The following TSPAN18 variants were observed in gnomAD, a reference collection of about 807,000 sequenced individuals.
TSPAN18 encodes tetraspanin 18.
TSPAN18 carries 14 observed loss-of-function variants against 27.3 expected under a neutral mutation model. The ratio of observed to expected loss-of-function variants is 0.51; its 90% confidence interval spans 0.34 to 0.80. The LOEUF is 0.80. Among genes scored for constraint, TSPAN18 ranks in the 30% least tolerant of loss-of-function variants. TSPAN18 has a pLI of 0.01. For synonymous variants in TSPAN18, 143 were observed against 136.5 expected (o/e 1.05, Z -0.33); for missense variants, 268 against 323.9 (o/e 0.83, Z 1.32).
chr11:44,913,545 G>A (rs1859799902), intron 5 of TSPAN18, among the ~76,000 whole-genome samples: 1 of 152,052 alleles, frequency 6.6e-6, no homozygotes, highest in South Asian at 2.1e-4. Flanking sequence ...TTATAATGAA[G>A]GCAAGCTCAA....
chr11:44,900,280 C>G (rs1859211920), intron 3 of TSPAN18, among the ~76,000 whole-genome samples: 1 of 152,164 alleles, frequency 6.6e-6, no homozygotes, highest in Admixed American at 6.5e-5. Flanking sequence ...GGGAGGCTGT[C>G]CCTGCTGGAG....
At chr11:44,759,856 C>T (rs1028802743) in intron 1 of TSPAN18, among the ~76,000 whole-genome samples, 2 of 152,196 alleles carry the variant, frequency 1.3e-5, no homozygotes, top group Non-Finnish European at 2.9e-5. Flanking sequence ...ATTACCTATA[C>T]ACACAATTTG....
At chr11:44,785,366 C>T (rs1449119871) in intron 2 of TSPAN18, among the ~76,000 whole-genome samples, 2 of 152,024 alleles carry the variant, frequency 1.3e-5, no homozygotes, top group African/African-American at 2.4e-5. Context: ...TTTATATATT[C>T]GTTCGGCAAA....
chr11:44,790,416 TGTGTGTGCATGTGTGTGTACATGTGTTC>T (rs1856179826), intron 2 of TSPAN18, among the ~76,000 whole-genome samples: 1 of 107,624 alleles, frequency 9.3e-6, no homozygotes, highest in Non-Finnish European at 2.2e-5. Flanking sequence ...CGTGTGTGCA[TGTGTGTGCATGTGTGTGTACATGTGTTC>T]GTGTGTGCAT....
intron 2 of TSPAN18, among the ~76,000 whole-genome samples, chr11:44,815,573 A>G (rs1485053575): frequency 2.0e-5 from 3 of 152,180 alleles, no homozygotes; most frequent in African/African-American, 4.8e-5. Context: ...TTGCTCAACA[A>G]TTATGTATTG....
intron 1 of TSPAN18, among the ~76,000 whole-genome samples, chr11:44,758,054 A>G (rs1269266379): frequency 2.0e-5 from 3 of 152,186 alleles, no homozygotes; most frequent in East Asian, 3.9e-4. Flanking sequence ...ATCCAATGTC[A>G]AATTGCTCTG....
At chr11:44,894,223 T>C (rs1367832077) in intron 3 of TSPAN18, among the ~76,000 whole-genome samples, 1 of 152,220 alleles carries the variant, frequency 6.6e-6, no homozygotes, top group African/African-American at 2.4e-5. Context: ...GGTGAGGCTC[T>C]GGAGGTGAGG....
intron 2 of TSPAN18, among the ~76,000 whole-genome samples, chr11:44,835,149 G>A (rs1205058899): frequency 3.3e-5 from 5 of 152,234 alleles, no homozygotes; most frequent in Non-Finnish European, 7.3e-5. Context: ...AATGGCTTGG[G>A]CAGGCCTCTA....
At chr11:44,814,238 A>ATT (rs5791648) in intron 2 of TSPAN18, among the ~76,000 whole-genome samples, 64 of 151,624 alleles carry the variant, frequency 4.2e-4, no homozygotes, top group African/African-American at 4.1e-4. Flanking sequence ...CAGAATAAGG[A>ATT]TTTTTTTTTT....
chr11:44,833,405 C>T (rs888760939), intron 2 of TSPAN18, among the ~76,000 whole-genome samples: 4 of 151,840 alleles, frequency 2.6e-5, no homozygotes, highest in Admixed American at 1.3e-4. Context: ...TCTCATTTGA[C>T]TCTAGTTGCC....
intron 2 of TSPAN18, among the ~76,000 whole-genome samples, chr11:44,789,365 G>C (rs1165661964): frequency 2.0e-5 from 3 of 152,158 alleles, no homozygotes; most frequent in Non-Finnish European, 4.4e-5. Flanking sequence ...AAGAAAAATG[G>C]CTCTATTGGC....
intron 3 of TSPAN18, among the ~76,000 whole-genome samples, chr11:44,880,874 A>G (rs566038915): frequency 1.3e-5 from 2 of 152,372 alleles, no homozygotes; most frequent in South Asian, 4.1e-4. Flanking sequence ...GCAGGACAGC[A>G]GACTGCAGGG....
chr11:44,737,483 C>T (rs1854824939), intron 1 of TSPAN18, among the ~76,000 whole-genome samples: 1 of 152,146 alleles, frequency 6.6e-6, no homozygotes, highest in Admixed American at 6.5e-5. Context: ...ATAGGCGTAC[C>T]TCATTTTAGG....
At chr11:44,828,010 T>A (rs1857079978) in intron 2 of TSPAN18, among the ~76,000 whole-genome samples, 1 of 152,220 alleles carries the variant, frequency 6.6e-6, no homozygotes, top group African/African-American at 2.4e-5. Context: ...ACCTTACTCA[T>A]GTTTCCCCAC....
At chr11:44,922,652 G>A (rs1242035424) in intron 8 of TSPAN18, among the ~76,000 whole-genome samples, 1 of 152,146 alleles carries the variant, frequency 6.6e-6, no homozygotes, top group Non-Finnish European at 1.5e-5. Flanking sequence ...GGGTGATGGC[G>A]GTAAAGACAG....
chr11:44,827,514 G>C (rs750735376), intron 2 of TSPAN18, among the ~76,000 whole-genome samples: 1 of 152,216 alleles, frequency 6.6e-6, no homozygotes, highest in African/African-American at 2.4e-5. Context: ...AGGGCAGGTA[G>C]GGAAGATGGG....
In TSPAN18 at chr11:44,727,046, G is replaced by A. The variant is rs1361854819; in HGVS notation, c.-481G>A. ...ACCGCGGAGCCGCGCGAGGCCGCCC[G>A]AGCCCCAGCCCCGGCCCCGGCCCCA... is the stretch of plus-strand genomic sequence containing the variant. On this transcript the variant is annotated 5_prime_UTR_variant, in exon 1 of 10. Coordinates refer to ENST00000520358, the MANE Select transcript of TSPAN18 (RefSeq NM_130783.5). 2 of 142,892 alleles carry A rather than the reference G, an allele frequency of 1.4e-5. No homozygotes were observed. Among genetic ancestry groups the A allele is most frequent in the Middle Eastern group, 3.4e-3 (1 of 294 alleles). The allele number at this position is 142,892 out of a possible 1,614,324, so 8.9% of individuals were successfully genotyped here. A position where few individuals can be genotyped will look rare whatever the true frequency, so the allele number is the denominator to read the frequency against.
At chr11:44,763,389 G>A (rs1306549625) in intron 1 of TSPAN18, among the ~76,000 whole-genome samples, 2 of 152,160 alleles carry the variant, frequency 1.3e-5, no homozygotes, top group Non-Finnish European at 2.9e-5. Context: ...CTTCTCTGGT[G>A]ACCTGGGGAT....
At chr11:44,897,721 A>G in intron 3 of TSPAN18, 3 of 1,261,240 alleles carry the variant, frequency 2.4e-6, no homozygotes, top group South Asian at 2.5e-5. Flanking sequence ...GACTTCCTGT[A>G]GTAATTGAAT....
Sources: gnomAD v4.1 joint callset for allele counts (sites outside exome capture counted in the v4.1 genomes callset) on GRCh38, gnomAD v4.1.1 for gene constraint, MANE v1.5 for transcripts, NCBI Gene and HGNC (gene_info 2026-07-23, HGNC 2026-07-21) for gene names.